Variants in DSCAML1 observed in about 807,000 individuals in gnomAD.
The protein encoded by DSCAML1 is cell adhesion molecule DSCAML1.
A neutral mutation model predicts 200.5 loss-of-function variants in DSCAML1; 38 were observed. The ratio of observed to expected loss-of-function variants is 0.19; its 90% confidence interval spans 0.15 to 0.25. The LOEUF (loss-of-function observed/expected upper bound fraction) is 0.25, where lower values mean the gene tolerates loss of function less well. Among genes scored for constraint, DSCAML1 ranks in the 10% least tolerant of loss-of-function variants. The probability of loss-of-function intolerance (pLI) is 1.00; values close to 1 mark genes in which losing one functional copy is unlikely to be tolerated. For missense variants in DSCAML1, 2,223 were observed against 2,858.8 expected, an observed-to-expected ratio of 0.78 and a Z score of 5.07; for synonymous variants, 1,215 against 1,165.0, an observed-to-expected ratio of 1.04 and a Z score of -0.87.
At chr11:117,506,669 T>A (rs1478492990) in intron 8 of DSCAML1, among the ~76,000 whole-genome samples, 2 of 143,196 alleles carry the variant, frequency 1.4e-5, no homozygotes, top group Admixed American at 1.4e-4. Context: ...CATCTCAGCC[T>A]CCCAAGTAGC....
At chr11:117,715,558 G>A (rs115292554) in intron 3 of DSCAML1, among the ~76,000 whole-genome samples, 2,073 of 152,348 alleles carry the variant, frequency 0.014, 36 homozygotes, top group African/African-American at 0.047. Context: ...TGCCTGCATG[G>A]AATTTACAGT....
intron 8 of DSCAML1, among the ~76,000 whole-genome samples, chr11:117,510,310 AC>A (rs1446323077): frequency 6.6e-6 from 1 of 152,088 alleles, no homozygotes; most frequent in East Asian, 1.9e-4. Context: ...AACCCAAAAC[AC>A]CCGGTTCCAG....
At chr11:117,472,233 A>G (rs182788974) in intron 14 of DSCAML1, among the ~76,000 whole-genome samples, 197 bp from the exon 15 acceptor site, 177 of 152,244 alleles carry the variant, frequency 1.2e-3, no homozygotes, top group Admixed American at 2.7e-3. Flanking sequence ...AGCTTGGGAG[A>G]AGCCTGACTC....
At chr11:117,674,721 C>T (rs747204807) in intron 3 of DSCAML1, among the ~76,000 whole-genome samples, 12 of 152,098 alleles carry the variant, frequency 7.9e-5, no homozygotes, top group Non-Finnish European at 1.3e-4. Context: ...GTGGTCCAAG[C>T]GGAAGAATAT....
intron 22 of DSCAML1, 149 bp from the exon 23 acceptor site, chr11:117,439,578 G>T: frequency 1.8e-6 from 2 of 1,114,948 alleles, no homozygotes; most frequent in Non-Finnish European, 1.3e-6. Flanking sequence ...AGCACTCCCT[G>T]GGGGTATGAG....
intron 18 of DSCAML1, among the ~76,000 whole-genome samples, chr11:117,459,298 C>T (rs1285443241): frequency 1.3e-5 from 2 of 152,376 alleles, no homozygotes; most frequent in East Asian, 1.9e-4. Context: ...GAGGAGGTCC[C>T]GTGCAGGAGG....
intron 3 of DSCAML1, among the ~76,000 whole-genome samples, chr11:117,591,685 T>C (rs552774551): frequency 2.1e-4 from 32 of 152,274 alleles, no homozygotes; most frequent in Non-Finnish European, 4.4e-4. Context: ...CTGATGGGGT[T>C]TTAACGGGCT....
intron 3 of DSCAML1, among the ~76,000 whole-genome samples, chr11:117,637,861 T>C (rs1195443229): frequency 6.6e-6 from 1 of 152,198 alleles, no homozygotes; most frequent in Non-Finnish European, 1.5e-5. Context: ...CAAAGGGTAA[T>C]GACTCTGCTC....
chr11:117,728,377 G>A (rs932454837), intron 3 of DSCAML1, among the ~76,000 whole-genome samples: 1 of 152,122 alleles, frequency 6.6e-6, no homozygotes, highest in African/African-American at 2.4e-5. Flanking sequence ...GGAACAAAAC[G>A]AGGATGTCCA....
chr11:117,445,987 A>G (rs1041963076), intron 20 of DSCAML1, among the ~76,000 whole-genome samples: 18 of 152,232 alleles, frequency 1.2e-4, no homozygotes, highest in African/African-American at 4.3e-4. Context: ...CATTTTTCTA[A>G]TCATAAAAAT....
At chr11:117,445,469 C>T (rs764812624) in intron 20 of DSCAML1, among the ~76,000 whole-genome samples, 5 of 152,190 alleles carry the variant, frequency 3.3e-5, no homozygotes, top group Non-Finnish European at 7.3e-5. Context: ...CTTCAACACC[C>T]TCCTGCCCTT....
chr11:117,485,944 A>G (rs1189041956), intron 11 of DSCAML1, among the ~76,000 whole-genome samples: 1 of 152,204 alleles, frequency 6.6e-6, no homozygotes, highest in Non-Finnish European at 1.5e-5. Context: ...GGTGTCAGCC[A>G]GCGCTGGCCG....
chr11:117,436,849 A>G (rs2047927541), intron 26 of DSCAML1, among the ~76,000 whole-genome samples: 1 of 152,168 alleles, frequency 6.6e-6, no homozygotes, highest in Non-Finnish European at 1.5e-5. Context: ...GTGATTGAGG[A>G]CTGCAGCTTC....
chr11:117,795,717 G>A (rs908600953), intron 1 of DSCAML1, among the ~76,000 whole-genome samples: 2 of 152,144 alleles, frequency 1.3e-5, no homozygotes, highest in Non-Finnish European at 2.9e-5. Flanking sequence ...CTACAAATAA[G>A]GGTTATCCTC....
chr11:117,486,167 T>G (rs977053090), intron 11 of DSCAML1, among the ~76,000 whole-genome samples: 1 of 152,130 alleles, frequency 6.6e-6, no homozygotes, highest in African/African-American at 2.4e-5. Context: ...CCAGCGCAAG[T>G]GAATGCAATC....
Position 117,489,424 on chromosome 11 carries a change from C to T in DSCAML1, c.2360-7262G>A, listed in dbSNP as rs2049144180. Among the ~76,000 whole-genome samples the T allele has an allele frequency of 1.3e-5, 2 of 152,224 alleles. No homozygotes were observed. The highest frequency in any genetic ancestry group is 6.5e-5 in the Admixed American group (1 of 15,292). On this transcript the variant is annotated intron_variant, in intron 11 of 32. Coordinates refer to ENST00000651296, the MANE Select transcript of DSCAML1 (RefSeq NM_020693.4). This position sits in a 1 kb window ranked among gnomAD's most constrained non-coding sequence, Gnocchi z 4.8. ...CTTTCCTGCAATCTAATTCAATTAA[C>T]AGCCAGGGAAATCTGATTTCTCTTT...
At chr11:117,512,438 G>A (rs1388063841) in intron 8 of DSCAML1, among the ~76,000 whole-genome samples, 1 of 152,212 alleles carries the variant, frequency 6.6e-6, no homozygotes, top group African/African-American at 2.4e-5. Flanking sequence ...TTCTAATGAG[G>A]TGGGAGAGGG....
intron 3 of DSCAML1, among the ~76,000 whole-genome samples, chr11:117,674,134 A>G (rs530953380): frequency 4.7e-4 from 71 of 152,334 alleles, no homozygotes; most frequent in African/African-American, 1.6e-3. Context: ...TGCCGGTACT[A>G]GTTTAGATCC....
At chr11:117,539,055 TC>T (rs1348773364) in intron 3 of DSCAML1, among the ~76,000 whole-genome samples, 1 of 152,078 alleles carries the variant, frequency 6.6e-6, no homozygotes, top group Non-Finnish European at 1.5e-5. Flanking sequence ...CCCATCTCAA[TC>T]CGGTCATAAA....
Sources: allele counts gnomAD v4.1 joint callset (sites outside exome capture counted in the v4.1 genomes callset), GRCh38; gene constraint gnomAD v4.1.1; non-coding constraint Gnocchi (gnomAD v3.1); transcripts MANE v1.5; gene names NCBI Gene and HGNC (gene_info 2026-07-23, HGNC 2026-07-21).